PCDHA6: variants seen among roughly 807,000 people sequenced by gnomAD.
PCDHA6 encodes protocadherin alpha 6, also known as protocadherin alpha-6.
A neutral mutation model predicts 60.3 loss-of-function variants in PCDHA6; 55 were observed. The observed-to-expected ratio is 0.91, with a 90% CI of 0.73 to 1.14. The LOEUF (loss-of-function observed/expected upper bound fraction) is 1.14, where lower values mean the gene tolerates loss of function less well. Ranked by LOEUF, PCDHA6 falls within the 50% of genes most tolerant of loss-of-function variation. The probability of loss-of-function intolerance (pLI) is 0.00; values close to 1 mark genes in which losing one functional copy is unlikely to be tolerated. For synonymous variants in PCDHA6, 652 were observed against 557.9 expected (o/e 1.17, Z -2.38); for missense variants, 1,327 against 1,256.5 (o/e 1.06, Z -0.85).
At chr5:140,849,237 A>G (rs1450217299) in intron 1 of PCDHA6, 1 of 1,052,122 alleles carries the variant, frequency 9.5e-7, no homozygotes, top group Non-Finnish European at 1.3e-6. Flanking sequence ...AACCCTGTAT[A>G]CGGTGAAATT....
intron 1 of PCDHA6, among the ~76,000 whole-genome samples, chr5:140,833,207 A>G (rs1554133788): frequency 6.6e-6 from 1 of 152,228 alleles, no homozygotes; most frequent in African/African-American, 2.4e-5. Context: ...AGAATGAAAT[A>G]GGAATGGACA....
intron 1 of PCDHA6, among the ~76,000 whole-genome samples, chr5:140,977,549 A>G (rs2096765562): frequency 6.6e-6 from 1 of 152,210 alleles, no homozygotes; most frequent in African/African-American, 2.4e-5. Flanking sequence ...TTGCATATGC[A>G]TATCTTGCTA....
At chr5:140,928,397 C>T in intron 1 of PCDHA6, 1 of 1,614,082 alleles carries the variant, frequency 6.2e-7, no homozygotes, top group East Asian at 2.2e-5. Context: ...GCAGTGGAAT[C>T]ATCCAGTGGG....
intron 1 of PCDHA6, among the ~76,000 whole-genome samples, chr5:140,832,545 G>T (rs1252442400): frequency 2.0e-5 from 3 of 152,202 alleles, no homozygotes; most frequent in Non-Finnish European, 4.4e-5. Context: ...TGTAGCTAAT[G>T]ATATCTAACA....
rs2042521817 is a variant in PCDHA6, at chr5:140,852,899, GTC to G, written c.2394+22415_2394+22416del. 441 of 840,720 alleles carry G rather than the reference GTC, an allele frequency of 5.2e-4. 11 individuals are homozygous for G. In the South Asian group the frequency reaches 0.021, roughly 39 times the overall value. The allele number at this position is 840,720 out of a possible 1,614,324, so 52.1% of individuals were successfully genotyped here. A position where few individuals can be genotyped will look rare whatever the true frequency, so the allele number is the denominator to read the frequency against. On this transcript the variant is annotated intron_variant, in intron 1 of 3. Coordinates refer to ENST00000529310, the MANE Select transcript of PCDHA6 (RefSeq NM_018909.4). ...TCATAAAACGTATTTTTTTTTTTGAGTCAGAGTCTCGCTCTGTTGCCCAGGCT... is the reference window on the plus strand; with the variant it reads ...TCATAAAACGTATTTTTTTTTTTGAGAGAGTCTCGCTCTGTTGCCCAGGCT...
At chr5:140,949,219 C>T (rs543953096) in intron 1 of PCDHA6, among the ~76,000 whole-genome samples, 3 of 151,842 alleles carry the variant, frequency 2.0e-5, no homozygotes, top group African/African-American at 7.2e-5. Flanking sequence ...TCTGTTTAGA[C>T]TTGTTCTGTG....
At chr5:140,935,004 T>C (rs574626430) in intron 1 of PCDHA6, among the ~76,000 whole-genome samples, 1 of 152,340 alleles carries the variant, frequency 6.6e-6, no homozygotes, top group African/African-American at 2.4e-5. Flanking sequence ...ATCCTTTTCA[T>C]GTGAGTCTTA....
chr5:140,844,834 C>T (rs1554140741), intron 1 of PCDHA6, among the ~76,000 whole-genome samples: 1 of 149,116 alleles, frequency 6.7e-6, no homozygotes, highest in Non-Finnish European at 1.5e-5. Context: ...TACACGTTTG[C>T]TTCTTGTGAC....
intron 1 of PCDHA6, among the ~76,000 whole-genome samples, chr5:140,915,139 G>C (rs2153533338): frequency 6.6e-6 from 1 of 151,944 alleles, no homozygotes; most frequent in Non-Finnish European, 1.5e-5. Flanking sequence ...AGTAGAGACG[G>C]GGTTTCACCA....
intron 3 of PCDHA6, among the ~76,000 whole-genome samples, chr5:141,005,617 G>C (rs1419951778): frequency 6.7e-6 from 1 of 149,280 alleles, no homozygotes; most frequent in Non-Finnish European, 1.5e-5. Context: ...CAGGAGAATG[G>C]CGTGAACCCG....
At chr5:140,918,848 G>T (rs2078891260) in intron 1 of PCDHA6, among the ~76,000 whole-genome samples, 1 of 152,134 alleles carries the variant, frequency 6.6e-6, no homozygotes, top group Admixed American at 6.5e-5. Flanking sequence ...TAAATCTGCT[G>T]GTGCCTGAAT....
intron 3 of PCDHA6, 56 bp downstream of exon 3, chr5:140,982,619 C>G (rs561557496): frequency 7.5e-6 from 12 of 1,589,654 alleles, no homozygotes; most frequent in Middle Eastern, 3.4e-4. Context: ...GATCAGATGA[C>G]CTACTTTTGT....
intron 1 of PCDHA6, among the ~76,000 whole-genome samples, chr5:140,965,085 C>T (rs1439379437): frequency 6.6e-6 from 1 of 152,142 alleles, no homozygotes; most frequent in African/African-American, 2.4e-5. Context: ...TGACTTTGTT[C>T]CAGTCCATAG....
intron 1 of PCDHA6, chr5:140,843,071 T>C (rs2150189286): frequency 2.5e-6 from 4 of 1,595,230 alleles, no homozygotes; most frequent in East Asian, 2.2e-5. Context: ...GGTGCCGCGG[T>C]CTGTGGGCGC....
At chr5:140,843,120 A>T (rs782103518) in intron 1 of PCDHA6, 2 of 1,595,472 alleles carry the variant, frequency 1.3e-6, no homozygotes, top group African/African-American at 2.7e-5. Flanking sequence ...GTGGACGCCG[A>T]CTCGGGCTAC....
At chr5:140,837,021 T>C (rs1774876437) in intron 1 of PCDHA6, 2 of 263,032 alleles carry the variant, frequency 7.6e-6, no homozygotes, top group Non-Finnish European at 1.4e-5. Flanking sequence ...ACCTTTCTTC[T>C]ATAGTGTATT....
At chr5:141,006,622 T>C (rs555577523) in intron 3 of PCDHA6, among the ~76,000 whole-genome samples, 21 of 152,132 alleles carry the variant, frequency 1.4e-4, no homozygotes, top group Non-Finnish European at 7.3e-5. Flanking sequence ...AAGGAGACTA[T>C]TGCTGCAATT....
At chr5:140,832,006 T>C (rs192666961) in intron 1 of PCDHA6, among the ~76,000 whole-genome samples, 8 of 152,338 alleles carry the variant, frequency 5.3e-5, no homozygotes, top group Non-Finnish European at 1.0e-4. Context: ...ATTGTTTTCA[T>C]TTTACGTAAA....
At chr5:140,964,961 G>A (rs552220130) in intron 1 of PCDHA6, among the ~76,000 whole-genome samples, 1 of 152,320 alleles carries the variant, frequency 6.6e-6, no homozygotes, top group Non-Finnish European at 1.5e-5. Context: ...TTGGTTGGTG[G>A]AACGAAGGGA....
Sources: gnomAD v4.1 joint callset for allele counts (sites outside exome capture counted in the v4.1 genomes callset) on GRCh38, gnomAD v4.1.1 for gene constraint, MANE v1.5 for transcripts, NCBI Gene and HGNC (gene_info 2026-07-23, HGNC 2026-07-21) for gene names.